The following CD163 variants were observed in gnomAD, a reference collection of about 807,000 sequenced individuals.
CD163 encodes scavenger receptor cysteine-rich type 1 protein M130.
A neutral mutation model predicts 129.2 loss-of-function variants in CD163; 64 were observed. The ratio of observed to expected loss-of-function variants is 0.50; its 90% CI spans 0.41 to 0.61. The LOEUF is 0.61. CD163 is among the 20% of genes least tolerant of loss of function. CD163 has a pLI of 0.00. For synonymous variants in CD163, 446 were observed against 478.5 expected (o/e 0.93, Z 0.89); for missense variants, 1,061 against 1,377.9 (o/e 0.77, Z 3.64).
At position 7,479,887 on chromosome 12, in the gene CD163, CT is replaced by C; in HGVS notation, c.*3del. ...CACTGGGTTATAAATTCCCATTTTC[CT>C]TTTCAGTGTGGCTCAGAATGGCCTC... is the stretch of plus-strand genomic sequence containing the variant. On this transcript the variant is annotated 3_prime_UTR_variant, in exon 16 of 17. Transcript: ENST00000432237. The C allele has an allele frequency of 6.2e-7, 1 of 1,612,132 alleles. No homozygotes were observed. The highest frequency in any genetic ancestry group is 8.5e-7 in the Non-Finnish European group (1 of 1,179,136).
chr12:7,476,976 C>T (rs1489168845), intron 16 of CD163, among the ~76,000 whole-genome samples: 1 of 152,156 alleles, frequency 6.6e-6, no homozygotes, highest in Non-Finnish European at 1.5e-5. Flanking sequence ...GGCCAATAAA[C>T]ATGTGAAGAA....
chr12:7,482,540 T>C, intron 14 of CD163, 103 bp downstream of exon 14: 2 of 1,305,280 alleles, frequency 1.5e-6, no homozygotes, highest in South Asian at 2.9e-5. Flanking sequence ...AAACCTCTTT[T>C]AGAGTCCATC....
chr12:7,500,416 C>T (rs1377884510), intron 3 of CD163, among the ~76,000 whole-genome samples: 1 of 38,904 alleles, frequency 2.6e-5, no homozygotes, highest in East Asian at 4.5e-4. Context: ...AGCGACAATT[C>T]GTCCCAAAAA....
intron 6 of CD163, among the ~76,000 whole-genome samples, chr12:7,492,802 G>C (rs1166472401): frequency 6.6e-6 from 1 of 152,146 alleles, no homozygotes; most frequent in Non-Finnish European, 1.5e-5. Flanking sequence ...AAAACTCTAA[G>C]TATCCTGTCC....
chr12:7,492,861 T>C (rs1430377783), intron 6 of CD163, among the ~76,000 whole-genome samples: 2 of 152,096 alleles, frequency 1.3e-5, no homozygotes, highest in Non-Finnish European at 2.9e-5. Context: ...GAAGATAAAA[T>C]TGATACTCCA....
chr12:7,483,711 C>G, intron 11 of CD163, 36 bp from the exon 12 acceptor site: 1 of 1,458,932 alleles, frequency 6.9e-7, no homozygotes, highest in Non-Finnish European at 9.2e-7. Context: ...ATTTCTAAGA[C>G]TTCTAAAAGT....
At position 7,487,049 on chromosome 12, in the gene CD163, T is replaced by G; in HGVS notation, c.2051-63A>C. The G allele has an allele frequency of 7.8e-7, 1 of 1,281,986 alleles. No individual in the cohort carries two copies. Among genetic ancestry groups the G allele is most frequent in the Non-Finnish European group, 1.1e-6 (1 of 889,230 alleles). The allele number at this position is 1,281,986 out of a possible 1,614,324, so 79.4% of individuals were successfully genotyped here. A position where few individuals can be genotyped will look rare whatever the true frequency, so the allele number is the denominator to read the frequency against. ...AAGGTTAGGGGAGTCAGATGAAATG[T>G]TATATGGATGAGTTGAGGACAAACA... is the stretch of plus-strand genomic sequence containing the variant. On this transcript the variant is annotated intron_variant, in intron 8 of 16. Transcript: ENST00000432237. The surrounding 1 kb of genome is among the most constrained non-coding windows in gnomAD (Gnocchi z 5.1).
In CD163 at chr12:7,480,905, A is replaced by G. The variant is rs12304994; in HGVS notation, c.3343+256T>C. 1.5e-3 allele frequency: 1,685 copies of G among 1,121,202 alleles called. 19 individuals carry two copies. The African/African-American group carries it at 0.024, about 16-fold the overall frequency. The allele number at this position is 1,121,202 out of a possible 1,614,324, so 69.5% of individuals were successfully genotyped here. On this transcript the variant is annotated intron_variant, in intron 15 of 16. Coordinates refer to ENST00000432237, the MANE Select transcript of CD163 (RefSeq NM_203416.4). ...TTTAATAAAATGAGGTCCAAGTCAT[A>G]ATATTCCTCTGCATGGTTCTTTCCA...
chr12:7,487,610 G>A lies in CD163; in HGVS notation c.1799C>T (p.Thr600Met), dbSNP rs374281824. Residue 600 changes from threonine to methionine, a missense_variant, in exon 8 of 17, where the codon ACG (threonine) becomes ATG (methionine). Thr to Met is a moderately conservative substitution (Grantham distance 81, BLOSUM62 -1). Transcript: ENST00000432237. The surrounding 1 kb of genome is among the most constrained non-coding windows in gnomAD (Gnocchi z 5.1). ...ACAGAGGGATCCCCAGGCACCAAGC[G>A]TTTTGAGCTCCACTCTGCCCTCACA... ...TPCEGRVELK[T>M]LGAWGSLCNS... The A allele has an allele frequency of 5.0e-4, 805 of 1,614,118 alleles. 1 individual carries two copies. The South Asian group carries it at 5.6e-3, about 11-fold the overall frequency.
intron 6 of CD163, among the ~76,000 whole-genome samples, chr12:7,488,585 T>G (rs1421440771): frequency 6.6e-6 from 1 of 152,174 alleles, no homozygotes; most frequent in Non-Finnish European, 1.5e-5. Context: ...ACGTGACCCT[T>G]CTTGTCCCAT....
intron 3 of CD163, among the ~76,000 whole-genome samples, chr12:7,499,700 A>G (rs1254796984): frequency 6.6e-6 from 1 of 152,204 alleles, no homozygotes; most frequent in Non-Finnish European, 1.5e-5. Flanking sequence ...ATAATTTTAA[A>G]CTTTGCAGTA....
chr12:7,474,970 A>C (rs1023129513), intron 16 of CD163, among the ~76,000 whole-genome samples: 1 of 152,044 alleles, frequency 6.6e-6, no homozygotes, highest in Non-Finnish European at 1.5e-5. Context: ...AAACTAGAAA[A>C]TCTAAAAGAA....
rs114942509 is a variant in CD163, at chr12:7,484,214, C to A, written c.2780-539G>T. ...AGCCAACTAGGTATATTCCATCCTG[C>A]ACATAAGATACATAATGTGACCCAG... On this transcript the variant is annotated intron_variant, in intron 11 of 16. Transcript: ENST00000432237. Among the ~76,000 whole-genome samples, 1,111 of 152,068 alleles carry A rather than the reference C, an allele frequency of 7.3e-3. 17 individuals carry two copies. Among genetic ancestry groups the A allele is most frequent in the African/African-American group, 0.026 (1,074 of 41,474 alleles).
Position 7,487,296 on chromosome 12 carries a change from G to C in CD163, c.2050+63C>G. Reference sequence around the variant, plus strand: ...AAATGGATCACTGCGTTTTACTTTTGTTCTTCATCCCTATGTACACCTTCT... The same window carrying C: ...AAATGGATCACTGCGTTTTACTTTTCTTCTTCATCCCTATGTACACCTTCT... On this transcript the variant is annotated intron_variant, in intron 8 of 16. Coordinates refer to ENST00000432237, the MANE Select transcript of CD163 (RefSeq NM_203416.4). This position sits in a 1 kb window ranked among gnomAD's most constrained non-coding sequence, Gnocchi z 5.1. The C allele has an allele frequency of 1.3e-6, 2 of 1,487,452 alleles. No homozygotes were observed. The highest frequency in any genetic ancestry group is 2.8e-5 in the African/African-American group (2 of 71,296). 92.1% of individuals were successfully genotyped at this position (1,487,452 alleles called of 1,614,324 possible).
chr12:7,481,681 A>T (rs913332581), intron 14 of CD163, among the ~76,000 whole-genome samples: 5 of 152,124 alleles, frequency 3.3e-5, no homozygotes, highest in African/African-American at 1.2e-4. Flanking sequence ...TTGCCAAAAG[A>T]TCTTCCTAAA....
At chr12:7,498,451 G>A (rs1246083018) in intron 4 of CD163, among the ~76,000 whole-genome samples, 4 of 152,130 alleles carry the variant, frequency 2.6e-5, no homozygotes, top group African/African-American at 9.7e-5. Flanking sequence ...AATGATTTGG[G>A]AAGGAGTGGG....
chr12:7,497,750 C>T (rs1252104638), intron 4 of CD163, among the ~76,000 whole-genome samples: 6 of 152,094 alleles, frequency 3.9e-5, no homozygotes, highest in African/African-American at 9.7e-5. Context: ...TTTTCATTCC[C>T]ACAATGTTAT....
chr12:7,482,326 C>A (rs897532109), intron 14 of CD163, among the ~76,000 whole-genome samples: 3 of 152,140 alleles, frequency 2.0e-5, no homozygotes, highest in African/African-American at 7.2e-5. Flanking sequence ...TCAATGCAAC[C>A]TAAACCCCTT....
Position 7,488,136 on chromosome 12 carries a change from TC to T in CD163, c.1421-50del, listed in dbSNP as rs1489401421. The T allele has an allele frequency of 3.3e-6, 5 of 1,509,094 alleles. No homozygotes were observed. In the African/African-American group the frequency reaches 6.9e-5, roughly 21 times the overall value. 93.5% of individuals were successfully genotyped at this position (1,509,094 alleles called of 1,614,324 possible). A position where few individuals can be genotyped will look rare whatever the true frequency, so the allele number is the denominator to read the frequency against. ...TGAGAGGTAATATGATTTCCAGATT[TC>T]CATTCATGATGAGGGTGAAGAAGGT... On this transcript the variant is annotated intron_variant, in intron 6 of 16. Transcript: ENST00000432237.
Sources: gnomAD v4.1 joint callset for allele counts (sites outside exome capture counted in the v4.1 genomes callset) on GRCh38, gnomAD v4.1.1 for gene constraint, Gnocchi (gnomAD v3.1) non-coding constraint, MANE v1.5 for transcripts, NCBI Gene and HGNC (gene_info 2026-07-23, HGNC 2026-07-21) for gene names.